Variants in HYDIN observed in about 807,000 individuals in gnomAD.
HYDIN encodes HYDIN axonemal central pair apparatus protein.
Under a neutral mutation model 403.9 loss-of-function variants are expected in HYDIN, and 132 were observed. The ratio of observed to expected loss-of-function variants is 0.33; its 90% CI spans 0.28 to 0.38. The LOEUF is 0.38. Among genes scored for constraint, HYDIN ranks in the 10% least tolerant of loss-of-function variants. The pLI, the probability that HYDIN is intolerant of heterozygous loss-of-function variation, is 1.00. For missense variants in HYDIN, 2,827 were observed against 5,009.5 expected, an observed-to-expected ratio of 0.56 and a Z score of 13.15; for synonymous variants, 1,202 against 1,891.7, an observed-to-expected ratio of 0.64 and a Z score of 9.46.
chr16:71,214,306 A>T (rs960508855), intron 1 of HYDIN, among the ~76,000 whole-genome samples: 1 of 152,192 alleles, frequency 6.6e-6, no homozygotes, highest in South Asian at 2.1e-4. Flanking sequence ...ATATTTTTCC[A>T]GATCAAACTG....
At chr16:71,080,916 A>C (rs1484619344) in intron 12 of HYDIN, 2 of 151,992 alleles carry the variant, frequency 1.3e-5, no homozygotes, top group Non-Finnish European at 2.9e-5. Flanking sequence ...TGAACACAGA[A>C]GAAGGAAACT....
intron 58 of HYDIN, among the ~76,000 whole-genome samples, chr16:70,884,603 C>T (rs1388266733): frequency 6.6e-6 from 1 of 151,676 alleles, no homozygotes; most frequent in Non-Finnish European, 1.5e-5. Flanking sequence ...AAAGCCCCGA[C>T]CCCAGAGATT....
intron 18 of HYDIN, among the ~76,000 whole-genome samples, chr16:71,049,185 G>A (rs1413040897): frequency 1.3e-5 from 2 of 152,268 alleles, no homozygotes; most frequent in African/African-American, 4.8e-5. Context: ...AGTAGAGGCA[G>A]CTTGAGAAAG....
chr16:70,886,251 T>G (rs1045111688), intron 58 of HYDIN, among the ~76,000 whole-genome samples: 10 of 151,760 alleles, frequency 6.6e-5, no homozygotes, highest in Non-Finnish European at 1.2e-4. Context: ...ACCTCAGTTA[T>G]AGTACACGCA....
chr16:71,177,506 G>A lies in HYDIN; in HGVS notation c.381+1422C>T, dbSNP rs531331485. Among the ~76,000 whole-genome samples, 113 of 152,226 alleles carry A rather than the reference G, an allele frequency of 7.4e-4. 1 individual carries two copies. Among genetic ancestry groups the A allele is most frequent in the Non-Finnish European group, 1.3e-3 (88 of 68,026 alleles). On this transcript the variant is annotated intron_variant, in intron 4 of 85. Coordinates refer to ENST00000393567, the MANE Select transcript of HYDIN (RefSeq NM_001270974.2). ...TGCTACTGCAGAAAAGAATGAAACA[G>A]ACCATTTTCTCCAGAGTCTGGCTTT...
At position 70,835,829 on chromosome 16, in the gene HYDIN, T is replaced by G. The variant is rs2037386855; in HGVS notation, c.13248A>C (p.Leu4416Phe). The G allele has an allele frequency of 1.5e-6, 1 of 664,526 alleles. No individual in the cohort carries two copies. Among genetic ancestry groups the G allele is most frequent in the Non-Finnish European group, 2.6e-6 (1 of 377,836 alleles). 41.2% of individuals were successfully genotyped at this position (664,526 alleles called of 1,614,324 possible). A position where few individuals can be genotyped will look rare whatever the true frequency, so the allele number is the denominator to read the frequency against. ...IKGKGTKMKILVLDPANRIVK... is the reference protein window; with the variant it reads ...IKGKGTKMKIFVLDPANRIVK... The stretch of plus-strand genomic sequence containing the variant: ...CAATCCTGTTGGCTGGATCTAGGAC[T>G]AAAATCTGTGGGACAAGAAAGAGTA... The change falls in exon 78 of 86, where the codon TTA becomes TTC. Residue 4416 changes from leucine (L) to phenylalanine (F), a missense_variant. Coordinates refer to ENST00000393567, the MANE Select transcript of HYDIN (RefSeq NM_001270974.2).
chr16:71,157,074 T>C (rs1317391559), intron 6 of HYDIN, among the ~76,000 whole-genome samples: 1 of 145,888 alleles, frequency 6.9e-6, no homozygotes, highest in East Asian at 2.0e-4. Context: ...AAACATTTAT[T>C]GGGTGTTTAT....
chr16:71,222,669 G>C (rs1199535954), intron 1 of HYDIN, among the ~76,000 whole-genome samples: 1 of 151,938 alleles, frequency 6.6e-6, no homozygotes, highest in Non-Finnish European at 1.5e-5. Context: ...CAAATCAGTA[G>C]CACTGCTCTA....
chr16:71,104,563 A>AC (rs2083558731), intron 10 of HYDIN, among the ~76,000 whole-genome samples: 1 of 47,586 alleles, frequency 2.1e-5, no homozygotes, highest in Non-Finnish European at 3.9e-5. Context: ...CAGAGAGAGG[A>AC]CACAGCCTTG....
intron 23 of HYDIN, among the ~76,000 whole-genome samples, chr16:71,012,503 A>G (rs539483018): frequency 6.9e-4 from 105 of 152,080 alleles, no homozygotes; most frequent in African/African-American, 2.3e-3. Flanking sequence ...CAACTTGGGG[A>G]AAAAAATGTG....
intron 23 of HYDIN, among the ~76,000 whole-genome samples, chr16:71,002,675 A>T (rs945051755): frequency 6.8e-6 from 1 of 147,854 alleles, no homozygotes; most frequent in Non-Finnish European, 1.5e-5. Flanking sequence ...CCCATTTGGA[A>T]TTAATTTTTT....
At chr16:70,921,347 C>T (rs548395202) in intron 45 of HYDIN, 130 bp from the exon 46 acceptor site, 2 of 768,698 alleles carry the variant, frequency 2.6e-6, no homozygotes, top group Non-Finnish European at 4.2e-6. Context: ...CCCCTGCACG[C>T]TAAGGTTGTG....
At chr16:70,931,813 A>G (rs1259702727) in intron 45 of HYDIN, among the ~76,000 whole-genome samples, 1 of 149,300 alleles carries the variant, frequency 6.7e-6, no homozygotes, top group Non-Finnish European at 1.5e-5. Flanking sequence ...TCAGGAGTTC[A>G]AGACCAGCCT....
chr16:70,876,888 CTG>C (rs2040477972), intron 62 of HYDIN, among the ~76,000 whole-genome samples: 1 of 151,160 alleles, frequency 6.6e-6, no homozygotes, highest in Admixed American at 6.6e-5. Flanking sequence ...GCCACAATGA[CTG>C]TGGATTTTGG....
At chr16:70,991,903 C>T (rs1416958556) in intron 24 of HYDIN, among the ~76,000 whole-genome samples, 167 bp downstream of exon 24, 1 of 152,238 alleles carries the variant, frequency 6.6e-6, no homozygotes, top group Middle Eastern at 3.4e-3. Context: ...ATGGTACCCT[C>T]TCCCTATCCC....
chr16:71,011,560 C>T (rs1213381523), intron 23 of HYDIN, among the ~76,000 whole-genome samples: 1 of 149,232 alleles, frequency 6.7e-6, no homozygotes, highest in East Asian at 2.0e-4. Context: ...AACAAACAAA[C>T]AAACAAAAAA....
At chr16:70,967,128 G>A (rs943011675) in intron 36 of HYDIN, among the ~76,000 whole-genome samples, 2 of 152,158 alleles carry the variant, frequency 1.3e-5, no homozygotes, top group African/African-American at 4.8e-5. Flanking sequence ...ACGGCACTAA[G>A]GTTATTAGAC....
intron 18 of HYDIN, among the ~76,000 whole-genome samples, chr16:71,056,132 T>G (rs2081880975): frequency 6.7e-6 from 1 of 149,714 alleles, no homozygotes; most frequent in Non-Finnish European, 1.5e-5. Flanking sequence ...GATTTGTTTT[T>G]TTTTTTTTTT....
At chr16:71,054,401 T>C (rs2081793843) in intron 18 of HYDIN, among the ~76,000 whole-genome samples, 1 of 152,204 alleles carries the variant, frequency 6.6e-6, no homozygotes, top group African/African-American at 2.4e-5. Context: ...CTCACACACA[T>C]TGTGGGGTGG....
Sources: allele counts gnomAD v4.1 joint callset (sites outside exome capture counted in the v4.1 genomes callset), GRCh38; gene constraint gnomAD v4.1.1; transcripts MANE v1.5; gene names NCBI Gene and HGNC (gene_info 2026-07-23, HGNC 2026-07-21).